The following DPP10 variants were observed in gnomAD, a reference collection of about 807,000 sequenced individuals.
DPP10 encodes the protein dipeptidyl peptidase like 10.
Under a neutral mutation model 120.9 loss-of-function variants are expected in DPP10, and 33 were observed. The ratio of observed to expected loss-of-function variants is 0.27; its 90% CI spans 0.21 to 0.37. The LOEUF is 0.37. DPP10 is among the 10% of genes least tolerant of loss of function. The pLI is 1.00. For synonymous variants in DPP10, 337 were observed against 326.1 expected (o/e 1.03, Z -0.36); for missense variants, 816 against 942.8 (o/e 0.87, Z 1.76).
At chr2:115,636,469 A>G (rs2149335159) in intron 5 of DPP10, among the ~76,000 whole-genome samples, 1 of 152,254 alleles carries the variant, frequency 6.6e-6, no homozygotes, top group East Asian at 1.9e-4. Flanking sequence ...GTGGTTATAT[A>G]TTCTTGGGAG....
At chr2:115,570,694 A>G (rs1450045210) in intron 5 of DPP10, among the ~76,000 whole-genome samples, 6 of 152,224 alleles carry the variant, frequency 3.9e-5, no homozygotes, top group African/African-American at 1.2e-4. Context: ...GTTGAAAATA[A>G]AGTTATTTTG....
At chr2:115,716,435 T>C (rs934372511) in intron 7 of DPP10, among the ~76,000 whole-genome samples, 1 of 152,184 alleles carries the variant, frequency 6.6e-6, no homozygotes, top group East Asian at 1.9e-4. Context: ...GTACGAGGGA[T>C]AGCCAATTCT....
At chr2:114,605,665 C>T (rs959696939) in intron 1 of DPP10, among the ~76,000 whole-genome samples, 8 of 151,834 alleles carry the variant, frequency 5.3e-5, no homozygotes, top group Admixed American at 1.3e-4. Context: ...CCCCTAACCC[C>T]GATATTATTC....
At chr2:115,097,755 TA>T (rs1246544194) in intron 1 of DPP10, among the ~76,000 whole-genome samples, 3 of 152,158 alleles carry the variant, frequency 2.0e-5, no homozygotes, top group Admixed American at 2.0e-4. Context: ...ACGTAGAAAA[TA>T]AAGCTTATTC....
At chr2:114,935,762 A>G (rs2104528795) in intron 1 of DPP10, among the ~76,000 whole-genome samples, 1 of 152,198 alleles carries the variant, frequency 6.6e-6, no homozygotes, top group South Asian at 2.1e-4. Flanking sequence ...TTGAGATAAC[A>G]TGGCCTGAGG....
chr2:114,460,366 C>T (rs571015440), intron 1 of DPP10, among the ~76,000 whole-genome samples: 104 of 152,186 alleles, frequency 6.8e-4, no homozygotes, highest in African/African-American at 2.3e-3. Flanking sequence ...AATCTATAGA[C>T]ATTTTGCATA....
chr2:114,453,557 A>G (rs766943015), intron 1 of DPP10, among the ~76,000 whole-genome samples: 35 of 152,128 alleles, frequency 2.3e-4, no homozygotes, highest in South Asian at 4.1e-4. Flanking sequence ...TGAAGTTCTT[A>G]TACCTTCAGG....
intron 11 of DPP10, among the ~76,000 whole-genome samples, chr2:115,759,809 G>C (rs992200871): frequency 6.6e-6 from 1 of 151,958 alleles, no homozygotes; most frequent in African/African-American, 2.4e-5. Flanking sequence ...TCAGGAGTTC[G>C]AGACCAGCCT....
chr2:114,672,212 T>C (rs1175590964), intron 1 of DPP10, among the ~76,000 whole-genome samples: 2 of 152,170 alleles, frequency 1.3e-5, no homozygotes, highest in African/African-American at 4.8e-5. Context: ...ATGTAGAGTG[T>C]CTGTGATTTC....
chr2:115,577,782 T>G (rs1277770732), intron 5 of DPP10, among the ~76,000 whole-genome samples: 1 of 152,114 alleles, frequency 6.6e-6, no homozygotes, highest in African/African-American at 2.4e-5. Context: ...TTTGCAGGTA[T>G]GTGTCCAATA....
At position 114,996,980 on chromosome 2, in the gene DPP10, C is replaced by CAA. The variant is rs34287029; in HGVS notation, c.61-312240_61-312239dup. Reference sequence around the variant, plus strand: ...CTGGCGACAGAGCAAGACTCCATCTCAAAAAAAAAAAAAAAAAAAAGATTT... The same window carrying CAA: ...CTGGCGACAGAGCAAGACTCCATCTCAAAAAAAAAAAAAAAAAAAAAAGATTT... On this transcript the variant is annotated intron_variant, in intron 1 of 25. Transcript: ENST00000410059. Among the ~76,000 whole-genome samples the CAA allele has an allele frequency of 4.3e-3, 282 of 66,232 alleles. 3 individuals carry two copies. Among genetic ancestry groups the CAA allele is most frequent in the Middle Eastern group, 0.031 (3 of 98 alleles). The allele number at this position is 66,232 out of a possible 152,430, so 43.5% of individuals were successfully genotyped here. A position where few individuals can be genotyped will look rare whatever the true frequency, so the allele number is the denominator to read the frequency against.
chr2:114,695,217 G>T (rs1699999979), intron 1 of DPP10, among the ~76,000 whole-genome samples: 1 of 152,034 alleles, frequency 6.6e-6, no homozygotes, highest in Admixed American at 6.6e-5. Context: ...TATTGGAGAT[G>T]TAGTGAAATG....
intron 1 of DPP10, among the ~76,000 whole-genome samples, chr2:114,926,359 G>T (rs1695618239): frequency 6.6e-6 from 1 of 152,146 alleles, no homozygotes; most frequent in African/African-American, 2.4e-5. Flanking sequence ...GACAATAATA[G>T]AGTTTCACCT....
At chr2:115,623,261 A>G (rs2085110142) in intron 5 of DPP10, among the ~76,000 whole-genome samples, 1 of 152,162 alleles carries the variant, frequency 6.6e-6, no homozygotes, top group South Asian at 2.1e-4. Flanking sequence ...CTTTACAGAA[A>G]AAGTTCACCA....
At chr2:115,610,598 G>A (rs2084031538) in intron 5 of DPP10, among the ~76,000 whole-genome samples, 1 of 152,020 alleles carries the variant, frequency 6.6e-6, no homozygotes, top group Admixed American at 6.6e-5. Flanking sequence ...ACTTTTAAAA[G>A]AACTGTTTTA....
At chr2:115,345,099 A>G (rs1374230283) in intron 3 of DPP10, among the ~76,000 whole-genome samples, 1 of 152,224 alleles carries the variant, frequency 6.6e-6, no homozygotes, top group Non-Finnish European at 1.5e-5. Context: ...GGTTTTTTGA[A>G]TAAATGAATG....
intron 3 of DPP10, among the ~76,000 whole-genome samples, chr2:115,371,440 A>G (rs1427375491): frequency 6.6e-6 from 1 of 152,194 alleles, no homozygotes; most frequent in East Asian, 1.9e-4. Context: ...GCTCTTTATA[A>G]AACACCACTT....
intron 1 of DPP10, among the ~76,000 whole-genome samples, chr2:115,193,284 A>G (rs918660162): frequency 5.3e-5 from 8 of 152,160 alleles, no homozygotes; most frequent in African/African-American, 1.9e-4. Context: ...TTACCATGTA[A>G]GATTCTTTTT....
chr2:114,532,296 T>TATATACACACACACACACAC (rs1342125338), intron 1 of DPP10, among the ~76,000 whole-genome samples: 5 of 74,778 alleles, frequency 6.7e-5, no homozygotes, highest in African/African-American at 2.6e-4. Context: ...TATATATATA[T>TATATACACACACACACACAC]ACACACACAC....
Sources: gnomAD v4.1 joint callset for allele counts (sites outside exome capture counted in the v4.1 genomes callset) on GRCh38, gnomAD v4.1.1 for gene constraint, MANE v1.5 for transcripts, NCBI Gene and HGNC (gene_info 2026-07-23, HGNC 2026-07-21) for gene names.